SCRG1: variants seen among roughly 807,000 people sequenced by gnomAD.
SCRG1 encodes the protein stimulator of chondrogenesis 1.
In SCRG1, 3 loss-of-function variants were observed where a neutral mutation model predicts 7.7. That is an observed-to-expected ratio of 0.39 (90% CI 0.18 to 1.01). The LOEUF is 1.01. Ranked by LOEUF, SCRG1 falls within the 50% of genes least tolerant of loss-of-function variation. The pLI, the probability that SCRG1 is intolerant of heterozygous loss-of-function variation, is 0.36. For synonymous variants in SCRG1, 46 were observed against 41.2 expected, an observed-to-expected ratio of 1.12 and a Z score of -0.44; for missense variants, 110 against 117.2, an observed-to-expected ratio of 0.94 and a Z score of 0.28.
chr4:173,514,556 G>T, the SCRG1 span, among the ~76,000 whole-genome samples: 5 of 152,168 alleles, frequency 3.3e-5, no homozygotes, highest in Non-Finnish European at 5.9e-5. Context: ...AAAAAGGGGG[G>T]AGTAATGATG....
chr4:173,458,720 C>T, the SCRG1 span, among the ~76,000 whole-genome samples: 1 of 151,800 alleles, frequency 6.6e-6, no homozygotes, highest in Admixed American at 6.6e-5. Context: ...AACCAGAAAA[C>T]AATTAAAAAA....
At chr4:173,492,721 T>C in the SCRG1 span, among the ~76,000 whole-genome samples, 1 of 152,220 alleles carries the variant, frequency 6.6e-6, no homozygotes, top group African/African-American at 2.4e-5. Flanking sequence ...CCCATACTTA[T>C]GTCTCCCAGA....
At chr4:173,438,720 T>C in the SCRG1 span, among the ~76,000 whole-genome samples, 2 of 152,146 alleles carry the variant, frequency 1.3e-5, no homozygotes, top group Admixed American at 6.6e-5. Context: ...ATAAATCTTT[T>C]TTTTAATTCA....
intron 1 of SCRG1, chr4:173,406,156 C>T (rs964556633): frequency 6.6e-6 from 1 of 152,264 alleles, no homozygotes; most frequent in African/African-American, 2.4e-5. Flanking sequence ...TCATCTGTAA[C>T]CTCCTGCTCC....
At chr4:173,466,266 C>G in the SCRG1 span, among the ~76,000 whole-genome samples, 1 of 152,158 alleles carries the variant, frequency 6.6e-6, no homozygotes, top group Non-Finnish European at 1.5e-5. Flanking sequence ...AGTCATTTGT[C>G]AAATTAATCA....
the SCRG1 span, chr4:173,446,794 T>G: frequency 6.6e-6 from 1 of 152,224 alleles, no homozygotes; most frequent in Non-Finnish European, 1.5e-5. Context: ...AGTTGTTAGA[T>G]GGATAAGAAC....
chr4:173,475,221 T>C, the SCRG1 span, among the ~76,000 whole-genome samples: 1 of 152,224 alleles, frequency 6.6e-6, no homozygotes, highest in Non-Finnish European at 1.5e-5. Flanking sequence ...ATTCATGGCA[T>C]AGACCAGGGG....
the SCRG1 span, among the ~76,000 whole-genome samples, chr4:173,476,743 C>G: frequency 6.6e-6 from 1 of 152,040 alleles, no homozygotes; most frequent in Non-Finnish European, 1.5e-5. Context: ...ATCACTTGAG[C>G]CAATGAGGTT....
the SCRG1 span, among the ~76,000 whole-genome samples, chr4:173,483,277 A>ATATATCATATATC: frequency 2.5e-5 from 1 of 40,574 alleles, no homozygotes; most frequent in Non-Finnish European, 4.9e-5. Flanking sequence ...TATGATATAT[A>ATATATCATATATC]ATATATGATA....
At chr4:173,443,389 G>A in the SCRG1 span, among the ~76,000 whole-genome samples, 2 of 152,184 alleles carry the variant, frequency 1.3e-5, no homozygotes, top group East Asian at 3.9e-4. Context: ...AACAGGGCCT[G>A]TAATACTGTA....
the SCRG1 span, among the ~76,000 whole-genome samples, chr4:173,484,211 T>A: frequency 1.2e-5 from 1 of 84,386 alleles, no homozygotes; most frequent in African/African-American, 4.8e-5. Flanking sequence ...TATATATATT[T>A]TCTATATTAT....
the SCRG1 span, among the ~76,000 whole-genome samples, chr4:173,483,284 G>GAT: frequency 3.1e-5 from 1 of 32,194 alleles, no homozygotes; most frequent in Non-Finnish European, 6.1e-5. Flanking sequence ...TATAATATAT[G>GAT]ATATATCATA....
At chr4:173,395,090 T>G (rs193196295) in intron 1 of SCRG1, among the ~76,000 whole-genome samples, 5 of 152,352 alleles carry the variant, frequency 3.3e-5, no homozygotes, top group Admixed American at 3.3e-4. Context: ...GTTTTAGGTC[T>G]CAGTTTAAAT....
chr4:173,434,494 A>T, the SCRG1 span, among the ~76,000 whole-genome samples: 1 of 152,182 alleles, frequency 6.6e-6, no homozygotes, highest in Admixed American at 6.5e-5. Flanking sequence ...AATACGTTCT[A>T]AATGGAATTT....
At chr4:173,401,162 T>A (rs942292699), upstream of SCRG1, among the ~76,000 whole-genome samples, 16 of 152,270 alleles carry the variant, frequency 1.1e-4, no homozygotes, top group Non-Finnish European at 1.5e-4. Context: ...CTGCTTGGTC[T>A]CCATTTCGCT....
At chr4:173,437,996 T>C in the SCRG1 span, among the ~76,000 whole-genome samples, 1 of 152,230 alleles carries the variant, frequency 6.6e-6, no homozygotes. Flanking sequence ...AGCTTTGCTA[T>C]GGACACTATC....
At chr4:173,513,117 T>C in the SCRG1 span, among the ~76,000 whole-genome samples, 3 of 152,344 alleles carry the variant, frequency 2.0e-5, no homozygotes, top group South Asian at 6.2e-4. Flanking sequence ...GCAAACAATG[T>C]AGACCTTTTC....
chr4:173,417,589 TC>T, the SCRG1 span, among the ~76,000 whole-genome samples: 1 of 145,000 alleles, frequency 6.9e-6, no homozygotes, highest in Non-Finnish European at 1.5e-5. Flanking sequence ...CTAGTCTCCC[TC>T]CCTCCCTCCC....
At chr4:173,403,351 G>C (rs927196076), upstream of SCRG1, 1 of 152,146 alleles carries the variant, frequency 6.6e-6, no homozygotes, top group Non-Finnish European at 1.5e-5. Flanking sequence ...ATTCCCAGAT[G>C]GGCAACCCTG....
Sources: gnomAD v4.1 joint callset for allele counts (sites outside exome capture counted in the v4.1 genomes callset) on GRCh38, gnomAD v4.1.1 for gene constraint, MANE v1.5 for transcripts, NCBI Gene and HGNC (gene_info 2026-07-23, HGNC 2026-07-21) for gene names.